Variants in AGT observed in about 807,000 individuals in gnomAD.
The protein encoded by AGT is alpha-1 antiproteinase, antitrypsin.
AGT carries 26 observed loss-of-function variants against 28.1 expected under a neutral mutation model. That is an observed-to-expected ratio of 0.92 (90% CI 0.68 to 1.28). The LOEUF (loss-of-function observed/expected upper bound fraction) is 1.28. Ranked by LOEUF, AGT falls within the 50% of genes most tolerant of loss-of-function variation. The pLI is 0.00. For synonymous variants in AGT, 259 were observed against 259.6 expected (o/e 1.00, Z 0.02); for missense variants, 596 against 592.3 (o/e 1.01, Z -0.06).
At chr1:230,745,525 G>C (rs1664336292) in exon 1 of AGT, among the ~76,000 whole-genome samples, 1 of 152,212 alleles carries the variant, frequency 6.6e-6, no homozygotes, top group Non-Finnish European at 1.5e-5. Flanking sequence ...AGTTCTGGAA[G>C]CTGGAAGTCC....
chr1:230,710,889 A>G (rs749234252), intron 1 of AGT, 36 bp from the exon 2 acceptor site: 1 of 1,603,568 alleles, frequency 6.2e-7, no homozygotes, highest in Non-Finnish European at 8.5e-7. Flanking sequence ...AAAGGTGGTT[A>G]TTAACTGACC....
chr1:230,744,573 G>T (rs958612083), intron 1 of AGT, among the ~76,000 whole-genome samples: 1 of 152,156 alleles, frequency 6.6e-6, no homozygotes, highest in African/African-American at 2.4e-5. Context: ...TGGTTCTGGA[G>T]GATTGTTAAA....
intron 1 of AGT, among the ~76,000 whole-genome samples, chr1:230,725,532 A>G (rs1663925136): frequency 6.6e-6 from 1 of 152,220 alleles, no homozygotes; most frequent in South Asian, 2.1e-4. Context: ...TCACCATTTA[A>G]TAAGTTTAGA....
intron 1 of AGT, among the ~76,000 whole-genome samples, chr1:230,739,791 T>G (rs1447755046): frequency 6.6e-6 from 1 of 152,014 alleles, no homozygotes; most frequent in Non-Finnish European, 1.5e-5. Context: ...GATGCCACTA[T>G]CAGAAGGAGG....
At chr1:230,703,737 T>G (rs11568045) in intron 4 of AGT, among the ~76,000 whole-genome samples, 6,937 of 152,216 alleles carry the variant, frequency 0.046, 538 homozygotes, top group African/African-American at 0.16. Flanking sequence ...TCCCCAGCAC[T>G]GAGCACAGGG....
chr1:230,707,860 A>C (rs891439994), intron 2 of AGT, among the ~76,000 whole-genome samples: 1 of 152,192 alleles, frequency 6.6e-6, no homozygotes, highest in Non-Finnish European at 1.5e-5. Context: ...TGTCGAGGTC[A>C]AGTCAGGACC....
intron 1 of AGT, among the ~76,000 whole-genome samples, chr1:230,712,097 C>A (rs1443707480): frequency 1.3e-5 from 2 of 152,178 alleles, no homozygotes; most frequent in African/African-American, 4.8e-5. Flanking sequence ...ACATCTCACT[C>A]ATTTCTTGTG....
chr1:230,710,847 G>C lies in AGT; in HGVS notation c.-24C>G. On this transcript the variant is annotated 5_prime_UTR_variant, in exon 2 of 5. Coordinates refer to ENST00000366667, the MANE Select transcript of AGT (RefSeq NM_001384479.1). ...ATCTCAGACTGGGGTGCTCGCTTCC[G>C]CATACCCTGAAATATCATTTTGCAA... is the stretch of plus-strand genomic sequence containing the variant. The C allele has an allele frequency of 6.2e-7, 1 of 1,612,532 alleles. No individual in the cohort carries two copies. Among genetic ancestry groups the C allele is most frequent in the Non-Finnish European group, 8.5e-7 (1 of 1,180,020 alleles).
chr1:230,712,661 G>T (rs376377587), intron 1 of AGT, among the ~76,000 whole-genome samples: 2 of 152,198 alleles, frequency 1.3e-5, no homozygotes, highest in Non-Finnish European at 2.9e-5. Flanking sequence ...GATGCAGCCC[G>T]CTCACTGTGC....
intron 2 of AGT, among the ~76,000 whole-genome samples, chr1:230,708,175 A>G (rs1169492117): frequency 6.6e-6 from 1 of 152,100 alleles, no homozygotes; most frequent in Non-Finnish European, 1.5e-5. Context: ...CATGCGGTGG[A>G]GGCCGGCGAG....
chr1:230,737,303 T>C (rs1664174279), intron 1 of AGT, among the ~76,000 whole-genome samples: 1 of 151,856 alleles, frequency 6.6e-6, no homozygotes, highest in African/African-American at 2.4e-5. Flanking sequence ...TACTTAGAAA[T>C]TGTTTATTAT....
chr1:230,717,560 C>G (rs755856672), upstream of AGT, among the ~76,000 whole-genome samples: 1 of 152,136 alleles, frequency 6.6e-6, no homozygotes, highest in African/African-American at 2.4e-5. Flanking sequence ...TTCACAGGAG[C>G]CTTGTTCTCT....
At position 230,703,182 on chromosome 1, in the gene AGT, G is replaced by A; in HGVS notation, c.1390C>T (p.His464Tyr). 6.2e-7 allele frequency: 1 copy of A among 1,614,154 alleles called. No homozygotes were observed. Among genetic ancestry groups the A allele is most frequent in the Non-Finnish European group, 8.5e-7 (1 of 1,180,042 alleles). The change falls in exon 5 of 5, where the codon CAC (histidine) becomes TAC (tyrosine). Residue 464 changes from histidine to tyrosine, a missense_variant. Physicochemically the swap from His to Tyr is moderately conservative, Grantham distance 83. Coordinates refer to ENST00000366667, the MANE Select transcript of AGT (RefSeq NM_001384479.1). ...GGGTTGGCCACGCGGCCCAGGAAGT[G>A]CAGGGCAGTGGCGCTTTGATCATAC... is the stretch of plus-strand genomic sequence containing the variant. ...AVYDQSATAL[H>Y]FLGRVANPLS...
intron 1 of AGT, among the ~76,000 whole-genome samples, chr1:230,732,853 C>T (rs1207143053): frequency 6.6e-6 from 1 of 152,140 alleles, no homozygotes; most frequent in Non-Finnish European, 1.5e-5. Context: ...CAAGAAGTGG[C>T]CCCACATAGT....
chr1:230,740,692 T>C (rs1175878177), intron 1 of AGT, among the ~76,000 whole-genome samples: 2 of 152,216 alleles, frequency 1.3e-5, no homozygotes, highest in African/African-American at 4.8e-5. Context: ...GGCTCACGCC[T>C]GTAATCCCAG....
chr1:230,741,643 G>C (rs779164940), intron 1 of AGT, among the ~76,000 whole-genome samples: 10 of 152,246 alleles, frequency 6.6e-5, no homozygotes, highest in Non-Finnish European at 1.5e-4. Context: ...CAAGTCCCTG[G>C]ATGAAGAAAG....
intron 1 of AGT, among the ~76,000 whole-genome samples, chr1:230,732,890 C>T (rs996445195): frequency 5.9e-5 from 9 of 152,070 alleles, no homozygotes; most frequent in Admixed American, 4.6e-4. Flanking sequence ...CAAGGACCAA[C>T]GGTATTTGAG....
In AGT at chr1:230,710,673, C is replaced by T. The variant is rs745516271; in HGVS notation, c.151G>A (p.Gly51Arg). 2.1e-5 allele frequency: 34 copies of T among 1,614,214 alleles called. No homozygotes were observed. The highest frequency in any genetic ancestry group is 4.5e-5 in the East Asian group (2 of 44,868). The change falls in exon 2 of 5, where the codon GGG becomes AGG. Residue 51 changes from glycine to arginine, a missense_variant. By Grantham distance (125) the Gly-to-Arg change is moderately radical. Coordinates refer to ENST00000366667, the MANE Select transcript of AGT (RefSeq NM_001384479.1). ...ATGAAGGTGGGGTCTTTGGGCTTCCCGGCATTGGCCTTTGCCAGCTGCTCA... is the reference window on the plus strand; with the variant it reads ...ATGAAGGTGGGGTCTTTGGGCTTCCTGGCATTGGCCTTTGCCAGCTGCTCA... ...TCEQLAKANAGKPKDPTFIPA... is the reference protein window; with the variant it reads ...TCEQLAKANARKPKDPTFIPA...
chr1:230,728,049 T>C (rs1462484172), intron 1 of AGT, among the ~76,000 whole-genome samples: 1 of 152,086 alleles, frequency 6.6e-6, no homozygotes, highest in Non-Finnish European at 1.5e-5. Context: ...ATGCTGCTGA[T>C]TGGTTGGAGA....
Sources: gnomAD v4.1 joint callset for allele counts (sites outside exome capture counted in the v4.1 genomes callset) on GRCh38, gnomAD v4.1.1 for gene constraint, MANE v1.5 for transcripts, NCBI Gene and HGNC (gene_info 2026-07-23, HGNC 2026-07-21) for gene names.